ASIC2: variants seen among roughly 807,000 people sequenced by gnomAD.
ASIC2 encodes the protein acid-sensing ion channel 2.
A neutral mutation model predicts 57.3 loss-of-function variants in ASIC2; 25 were observed. The ratio of observed to expected loss-of-function variants is 0.44; its 90% CI spans 0.32 to 0.61. The LOEUF (loss-of-function observed/expected upper bound fraction) is 0.61. ASIC2 is among the 20% of genes least tolerant of loss of function. The probability of loss-of-function intolerance (pLI) is 0.06; values close to 1 mark genes in which losing one functional copy is unlikely to be tolerated. For synonymous variants in ASIC2, 319 were observed against 307.5 expected, an observed-to-expected ratio of 1.04 and a Z score of -0.39; for missense variants, 641 against 738.1, an observed-to-expected ratio of 0.87 and a Z score of 1.52.
chr17:33,765,298 C>T lies in ASIC2; in HGVS notation c.555+390680G>A, dbSNP rs144874452. Reference sequence around the variant, plus strand: ...TTTTTTTTTGTATTTTTAGTAGAGACGGGGTTTCACCGTATTAGCCAGGAT... The same window carrying T: ...TTTTTTTTTGTATTTTTAGTAGAGATGGGGTTTCACCGTATTAGCCAGGAT... On this transcript the variant is annotated intron_variant, in intron 1 of 9. Transcript: ENST00000359872. Among the ~76,000 whole-genome samples, 489 of 152,084 alleles carry T rather than the reference C, an allele frequency of 3.2e-3. 4 individuals are homozygous for T. Among genetic ancestry groups the T allele is most frequent in the African/African-American group, 0.011 (472 of 41,512 alleles).
chr17:34,069,820 G>A (rs758045137), intron 1 of ASIC2: 10 of 152,188 alleles, frequency 6.6e-5, no homozygotes, highest in Admixed American at 3.3e-4. Context: ...GAAGACAGAG[G>A]GAGGCTTTGA....
intron 1 of ASIC2, among the ~76,000 whole-genome samples, chr17:33,854,957 G>T (rs1216911763): frequency 6.6e-6 from 1 of 152,186 alleles, no homozygotes; most frequent in Admixed American, 6.5e-5. Context: ...AAAAGTAGGA[G>T]GAACCTCTGA....
intron 1 of ASIC2, among the ~76,000 whole-genome samples, chr17:33,429,441 A>T (rs1274230075): frequency 6.6e-6 from 1 of 151,822 alleles, no homozygotes; most frequent in Non-Finnish European, 1.5e-5. Flanking sequence ...CCCAGGCTGG[A>T]GTGCAGTGGC....
intron 1 of ASIC2, among the ~76,000 whole-genome samples, chr17:33,983,585 C>G (rs1364930557): frequency 6.6e-6 from 1 of 152,218 alleles, no homozygotes; most frequent in East Asian, 1.9e-4. Context: ...CCTGGAATCC[C>G]TATGGCCTCT....
chr17:33,912,709 G>A (rs1915494448), intron 1 of ASIC2, among the ~76,000 whole-genome samples: 1 of 57,686 alleles, frequency 1.7e-5, no homozygotes, highest in Non-Finnish European at 3.7e-5. Flanking sequence ...GCCGGGTGAG[G>A]TGTCTCACGC....
chr17:34,119,222 T>C lies in ASIC2; in HGVS notation c.555+36756A>G, dbSNP rs186195550. Among the ~76,000 whole-genome samples the C allele has an allele frequency of 6.0e-4, 91 of 152,304 alleles. 1 individual carries two copies. Among genetic ancestry groups the C allele is most frequent in the African/African-American group, 2.1e-3 (87 of 41,584 alleles). On this transcript the variant is annotated intron_variant, in intron 1 of 9. Coordinates refer to the ASIC2 transcript ENST00000359872. ...AAGGGTTATGGGCTTTGGAGTCACA[T>C]GACATCGATTCGAGTCCCAGCTCTG...
intron 1 of ASIC2, among the ~76,000 whole-genome samples, chr17:34,110,180 G>A (rs1407192898): frequency 6.6e-6 from 1 of 152,196 alleles, no homozygotes; most frequent in Non-Finnish European, 1.5e-5. Context: ...GATGCTCTGA[G>A]AAGAGAGTCC....
At chr17:33,961,614 T>G (rs1363576055) in intron 1 of ASIC2, among the ~76,000 whole-genome samples, 2 of 152,216 alleles carry the variant, frequency 1.3e-5, no homozygotes, top group African/African-American at 4.8e-5. Context: ...GCAGACTTGC[T>G]GTTCTGGGAA....
At chr17:33,877,418 C>T (rs1914576267) in intron 1 of ASIC2, among the ~76,000 whole-genome samples, 1 of 152,208 alleles carries the variant, frequency 6.6e-6, no homozygotes. Context: ...TCACTCCCAC[C>T]CTAGTACTGT....
At chr17:33,852,767 G>T (rs1913807702) in intron 1 of ASIC2, among the ~76,000 whole-genome samples, 1 of 152,116 alleles carries the variant, frequency 6.6e-6, no homozygotes. Flanking sequence ...GATACTCAAA[G>T]GGGCTCACAT....
intron 1 of ASIC2, among the ~76,000 whole-genome samples, chr17:33,217,833 C>T (rs1469986329): frequency 6.6e-6 from 1 of 152,216 alleles, no homozygotes; most frequent in Non-Finnish European, 1.5e-5. Context: ...ATGCCTGTTT[C>T]TCCTTTTCTT....
Position 34,098,898 on chromosome 17 carries a change from G to C in ASIC2, c.555+57080C>G, listed in dbSNP as rs76533306. On this transcript the variant is annotated intron_variant, in intron 1 of 9. Transcript: ENST00000359872. ...TTGACAGAGGAGATGACTAATAAGT[G>C]ATTTCCATACCGTGTGATGCCCCGT... Among the ~76,000 whole-genome samples the C allele has an allele frequency of 5.0e-3, 758 of 152,082 alleles. 17 individuals are homozygous for C. The East Asian group carries it at 0.061, about 12-fold the overall frequency.
At chr17:33,166,148 A>G (rs982237230) in intron 1 of ASIC2, among the ~76,000 whole-genome samples, 3 of 152,204 alleles carry the variant, frequency 2.0e-5, no homozygotes, top group Admixed American at 2.0e-4. Flanking sequence ...CACTTGTCTA[A>G]GTACTTTCCT....
chr17:34,064,516 T>G (rs1909093603), intron 1 of ASIC2, among the ~76,000 whole-genome samples: 1 of 152,052 alleles, frequency 6.6e-6, no homozygotes, highest in Non-Finnish European at 1.5e-5. Flanking sequence ...TAAAAAGAGA[T>G]AAATAGCTGG....
intron 1 of ASIC2, among the ~76,000 whole-genome samples, chr17:33,328,179 A>G (rs1272307129): frequency 1.3e-5 from 2 of 152,162 alleles, no homozygotes; most frequent in East Asian, 1.9e-4. Context: ...GCTGATGGTG[A>G]CTGAGGAGGA....
Position 33,265,698 on chromosome 17 carries a change from G to A in ASIC2, c.708+25710C>T, listed in dbSNP as rs141230838. Among the ~76,000 whole-genome samples, 530 of 152,282 alleles carry A rather than the reference G, an allele frequency of 3.5e-3. 1 individual carries two copies. Among genetic ancestry groups the A allele is most frequent in the African/African-American group, 8.6e-3 (359 of 41,534 alleles). ...ATTAAATGAAAGAAAAAGATTCAGT[G>A]TGGGGGCCAGCTCTCCTAGAAAGCC... is the stretch of plus-strand genomic sequence containing the variant. On this transcript the variant is annotated intron_variant, in intron 1 of 9. Coordinates refer to ENST00000225823, the MANE Select transcript of ASIC2 (RefSeq NM_183377.2).
intron 1 of ASIC2, among the ~76,000 whole-genome samples, chr17:33,545,636 C>T (rs1915553836): frequency 6.6e-6 from 1 of 152,118 alleles, no homozygotes; most frequent in Admixed American, 6.6e-5. Flanking sequence ...TGCCCATTCT[C>T]TTTACCATAG....
At chr17:33,093,325 C>T (rs1247209691) in intron 2 of ASIC2, among the ~76,000 whole-genome samples, 1 of 151,982 alleles carries the variant, frequency 6.6e-6, no homozygotes, top group Non-Finnish European at 1.5e-5. Context: ...TCATATTTGT[C>T]TTATTGGCAA....
At position 33,375,803 on chromosome 17, in the gene ASIC2, C is replaced by G. The variant is rs73982766; in HGVS notation, c.556-263736G>C. Among the ~76,000 whole-genome samples, 750 of 152,188 alleles carry G rather than the reference C, an allele frequency of 4.9e-3. 8 individuals carry two copies. Among genetic ancestry groups the G allele is most frequent in the African/African-American group, 0.017 (695 of 41,516 alleles). The stretch of plus-strand genomic sequence containing the variant: ...TGCAAGGTATCGAAAAGGACAGGAG[C>G]CAAAGATGAATTCCAAGTGTTGTCC... On this transcript the variant is annotated intron_variant, in intron 1 of 9. Transcript: ENST00000359872.
Sources: allele counts gnomAD v4.1 joint callset (sites outside exome capture counted in the v4.1 genomes callset), GRCh38; gene constraint gnomAD v4.1.1; transcripts MANE v1.5; gene names NCBI Gene and HGNC (gene_info 2026-07-23, HGNC 2026-07-21).